IQCM: variants seen among roughly 807,000 people sequenced by gnomAD.
The protein encoded by IQCM is IQ motif containing M.
In IQCM, 45 loss-of-function variants were observed where a neutral mutation model predicts 57.6. The ratio of observed to expected loss-of-function variants is 0.78; its 90% CI spans 0.62 to 1.00. IQCM has a LOEUF of 1.00. IQCM is among the 50% of genes least tolerant of loss of function. IQCM has a pLI of 0.00. For synonymous variants in IQCM, 148 were observed against 158.9 expected (o/e 0.93, Z 0.51); for missense variants, 468 against 511.6 (o/e 0.91, Z 0.82).
At chr4:149,432,123 A>G (rs530920212) in intron 13 of IQCM, among the ~76,000 whole-genome samples, 8 of 152,002 alleles carry the variant, frequency 5.3e-5, no homozygotes, top group Non-Finnish European at 1.0e-4. Flanking sequence ...TTAATTTATA[A>G]GAAAGTATCA....
At chr4:149,504,464 C>T (rs1743579650) in intron 12 of IQCM, among the ~76,000 whole-genome samples, 1 of 152,058 alleles carries the variant, frequency 6.6e-6, no homozygotes, top group Admixed American at 6.6e-5. Context: ...ATCCCAATCC[C>T]CACCGCCCAG....
intron 2 of IQCM, among the ~76,000 whole-genome samples, chr4:149,768,472 A>G (rs571622340): frequency 3.2e-4 from 49 of 152,270 alleles, no homozygotes; most frequent in African/African-American, 1.2e-3. Context: ...AAGTAGAGAC[A>G]TTATGCCAAA....
intron 2 of IQCM, among the ~76,000 whole-genome samples, chr4:149,802,137 A>C (rs901275831): frequency 6.6e-6 from 1 of 151,978 alleles, no homozygotes; most frequent in African/African-American, 2.4e-5. Flanking sequence ...GTGGCAGCCA[A>C]TATGTAAAAG....
intron 13 of IQCM, among the ~76,000 whole-genome samples, chr4:149,431,874 A>C (rs760182989): frequency 2.0e-5 from 3 of 151,788 alleles, no homozygotes; most frequent in Non-Finnish European, 2.9e-5. Flanking sequence ...TCATTCATTC[A>C]CCAGTTGAAG....
At chr4:149,396,014 C>T (rs538525567) in intron 13 of IQCM, among the ~76,000 whole-genome samples, 75 of 152,032 alleles carry the variant, frequency 4.9e-4, no homozygotes, top group Admixed American at 1.3e-3. Flanking sequence ...CAAAAAATGA[C>T]AAGATTTTTG....
intron 8 of IQCM, among the ~76,000 whole-genome samples, chr4:149,615,682 A>G (rs765559820): frequency 8.5e-5 from 13 of 152,364 alleles, no homozygotes; most frequent in South Asian, 2.1e-4. Flanking sequence ...TAAAGAATGC[A>G]TATCTACAAT....
chr4:149,802,662 T>A (rs1773708785), intron 2 of IQCM, among the ~76,000 whole-genome samples: 1 of 152,028 alleles, frequency 6.6e-6, no homozygotes, highest in African/African-American at 2.4e-5. Context: ...ATTTTGTACC[T>A]CAGCTTCTTT....
At chr4:149,392,164 G>T in intron 13 of IQCM, among the ~76,000 whole-genome samples, 1 of 150,252 alleles carries the variant, frequency 6.7e-6, no homozygotes. Flanking sequence ...TCCATTAGTA[G>T]GTTAATGTAT....
intron 7 of IQCM, among the ~76,000 whole-genome samples, chr4:149,660,181 A>C (rs1256839785): frequency 6.6e-6 from 1 of 151,500 alleles, no homozygotes; most frequent in Admixed American, 6.6e-5. Flanking sequence ...GGATATGAAC[A>C]GACACTTCTC....
chr4:149,420,386 C>A (rs981042376), intron 13 of IQCM, among the ~76,000 whole-genome samples: 4 of 151,928 alleles, frequency 2.6e-5, no homozygotes, highest in Non-Finnish European at 5.9e-5. Flanking sequence ...AACAGAAAAC[C>A]AAGTATTACA....
At chr4:149,593,095 C>A (rs1289870103) in intron 8 of IQCM, among the ~76,000 whole-genome samples, 4 of 151,992 alleles carry the variant, frequency 2.6e-5, no homozygotes, top group East Asian at 1.9e-4. Flanking sequence ...ATGAGCATGG[C>A]ATGTTCTTGA....
intron 10 of IQCM, among the ~76,000 whole-genome samples, chr4:149,559,134 G>C (rs1288147973): frequency 6.6e-6 from 1 of 152,010 alleles, no homozygotes. Flanking sequence ...CCTATCAACT[G>C]TCCATTTCCC....
chr4:149,664,408 T>A (rs533212890), intron 7 of IQCM, among the ~76,000 whole-genome samples: 5 of 152,272 alleles, frequency 3.3e-5, no homozygotes, highest in Middle Eastern at 3.4e-3. Context: ...GTGCATCCAA[T>A]GGAGCCGTCA....
chr4:149,372,332 T>C (rs1263578401), intron 13 of IQCM, among the ~76,000 whole-genome samples: 1 of 152,164 alleles, frequency 6.6e-6, no homozygotes, highest in Admixed American at 6.6e-5. Flanking sequence ...TACTGATAAG[T>C]TTTATGAACA....
intron 13 of IQCM, among the ~76,000 whole-genome samples, chr4:149,409,324 C>G (rs143023670): frequency 6.6e-6 from 1 of 152,206 alleles, no homozygotes. Context: ...GCCAGTCATC[C>G]TCTAGCCCAG....
At chr4:149,649,370 T>C (rs1029796158) in intron 7 of IQCM, among the ~76,000 whole-genome samples, 2 of 152,094 alleles carry the variant, frequency 1.3e-5, no homozygotes, top group African/African-American at 4.8e-5. Flanking sequence ...CCTGCATGCT[T>C]GATTTTCCTA....
At chr4:149,709,636 C>A (rs184481274) in intron 5 of IQCM, among the ~76,000 whole-genome samples, 9 of 152,180 alleles carry the variant, frequency 5.9e-5, no homozygotes, top group African/African-American at 1.9e-4. Flanking sequence ...GCAGGAGAAC[C>A]AGACCTTGGT....
intron 2 of IQCM, among the ~76,000 whole-genome samples, chr4:149,769,698 A>T (rs1349989099): frequency 6.6e-6 from 1 of 152,100 alleles, no homozygotes; most frequent in South Asian, 2.1e-4. Flanking sequence ...AAAACTTCAT[A>T]ATAATAAAGG....
intron 12 of IQCM, among the ~76,000 whole-genome samples, chr4:149,487,349 C>T (rs1741630639): frequency 6.6e-6 from 1 of 152,116 alleles, no homozygotes; most frequent in African/African-American, 2.4e-5. Flanking sequence ...TCTCTTTAAG[C>T]AGAAAGGATT....
Sources: allele counts gnomAD v4.1 joint callset (sites outside exome capture counted in the v4.1 genomes callset), GRCh38; gene constraint gnomAD v4.1.1; transcripts MANE v1.5; gene names NCBI Gene and HGNC (gene_info 2026-07-23, HGNC 2026-07-21).